The following NEK6 variants were observed in gnomAD, a reference collection of about 807,000 sequenced individuals.
NEK6 encodes NIMA related kinase 6.
In NEK6, 27 loss-of-function variants were observed where a neutral mutation model predicts 43.5. The observed-to-expected ratio is 0.62, with a 90% CI of 0.46 to 0.86. The LOEUF (loss-of-function observed/expected upper bound fraction) is 0.86, where lower values mean the gene tolerates loss of function less well. NEK6 is among the 40% of genes least tolerant of loss of function. The pLI is 0.00. For synonymous variants in NEK6, 167 were observed against 164.1 expected (o/e 1.02, Z -0.14); for missense variants, 318 against 414.4 (o/e 0.77, Z 2.02).
At chr9:124,300,884 C>T (rs907129043) in intron 1 of NEK6, among the ~76,000 whole-genome samples, 1 of 152,244 alleles carries the variant, frequency 6.6e-6, no homozygotes, top group Non-Finnish European at 1.5e-5. Flanking sequence ...TCAAGGGGTT[C>T]TGCCTAGGAT....
intron 1 of NEK6, among the ~76,000 whole-genome samples, chr9:124,294,097 G>A (rs866793112): frequency 3.9e-5 from 6 of 152,344 alleles, no homozygotes; most frequent in Middle Eastern, 3.4e-3. Context: ...TGGGCATGGT[G>A]GCTCACACCT....
intron 2 of NEK6, among the ~76,000 whole-genome samples, chr9:124,311,084 A>C (rs927383235): frequency 6.6e-6 from 1 of 152,208 alleles, no homozygotes; most frequent in East Asian, 1.9e-4. Context: ...CTCCGCAGGC[A>C]TCTCAGGCTG....
chr9:124,321,585 G>T lies in NEK6; in HGVS notation c.405+16G>T, dbSNP rs1292196500. The T allele has an allele frequency of 6.5e-7, 1 of 1,531,350 alleles. No homozygotes were observed. The highest frequency in any genetic ancestry group is 2.2e-5 in the East Asian group (1 of 44,518). 94.9% of individuals were successfully genotyped at this position (1,531,350 alleles called of 1,614,324 possible). ...GATGATCAAGGTGAGCGCCTGGCGG[G>T]GTGGGGGTGCTGGGGGCTGCGCAGA... On this transcript the variant is annotated intron_variant, in intron 5 of 9. Coordinates refer to ENST00000320246, the MANE Select transcript of NEK6 (RefSeq NM_014397.6).
intron 9 of NEK6, among the ~76,000 whole-genome samples, chr9:124,349,121 A>G (rs1232246074): frequency 6.6e-6 from 1 of 152,256 alleles, no homozygotes; most frequent in Non-Finnish European, 1.5e-5. Flanking sequence ...CTGGCGTTGC[A>G]GACTCCAGGG....
chr9:124,349,574 G>A (rs1028925965), intron 9 of NEK6, among the ~76,000 whole-genome samples: 2 of 152,244 alleles, frequency 1.3e-5, no homozygotes, highest in East Asian at 1.9e-4. Flanking sequence ...AAGTTATATC[G>A]CTGCTTAGAA....
At chr9:124,307,560 G>A (rs1564635810) in intron 2 of NEK6, among the ~76,000 whole-genome samples, 1 of 152,200 alleles carries the variant, frequency 6.6e-6, no homozygotes, top group Admixed American at 6.5e-5. Flanking sequence ...AGCACAGCGA[G>A]TGGTGACACC....
intron 7 of NEK6, 111 bp from the exon 8 acceptor site, chr9:124,339,460 C>A: frequency 1.3e-6 from 1 of 761,190 alleles, no homozygotes; most frequent in South Asian, 1.5e-5. Context: ...GCTCAGAGAC[C>A]GAGGCACAAT....
At chr9:124,350,434 A>G (rs905032141) in intron 9 of NEK6, among the ~76,000 whole-genome samples, 17 of 152,076 alleles carry the variant, frequency 1.1e-4, no homozygotes, top group Non-Finnish European at 1.3e-4. Context: ...TAATGCGTTT[A>G]TTATGATCAA....
At position 124,326,229 on chromosome 9, in the gene NEK6, C is replaced by A; in HGVS notation, c.406-101C>A. 3.9e-6 allele frequency: 1 copy of A among 258,888 alleles called. No homozygotes were observed. The highest frequency in any genetic ancestry group is 9.3e-6 in the Non-Finnish European group (1 of 107,074). 16.0% of individuals were successfully genotyped at this position (258,888 alleles called of 1,614,324 possible). A position where few individuals can be genotyped will look rare whatever the true frequency, so the allele number is the denominator to read the frequency against. ...CCCCCCCCCCGCCCCTGCCAGGCAC[C>A]AGTTACCCACTGGGGAAAGGACAGA... On this transcript the variant is annotated intron_variant, in intron 5 of 9. Transcript: ENST00000320246. This position sits in a 1 kb window ranked among gnomAD's most constrained non-coding sequence, Gnocchi z 4.5.
intron 8 of NEK6, among the ~76,000 whole-genome samples, chr9:124,345,225 C>T (rs1303337431): frequency 2.0e-5 from 3 of 152,232 alleles, no homozygotes; most frequent in Admixed American, 1.3e-4. Context: ...CTCTCTATTT[C>T]GACCAGTCAG....
chr9:124,352,079 C>T lies in NEK6; in HGVS notation c.*1132C>T, dbSNP rs902191847. The T allele has an allele frequency of 2.0e-5, 3 of 152,620 alleles. No individual in the cohort carries two copies. Among genetic ancestry groups the T allele is most frequent in the Admixed American group, 2.0e-4 (3 of 15,284 alleles). 9.5% of individuals were successfully genotyped at this position (152,620 alleles called of 1,614,324 possible). A position where few individuals can be genotyped will look rare whatever the true frequency, so the allele number is the denominator to read the frequency against. On this transcript the variant is annotated 3_prime_UTR_variant, in exon 10 of 10. Coordinates refer to ENST00000320246, the MANE Select transcript of NEK6 (RefSeq NM_014397.6). ...TGAAGACTAATTTATAAATGTGAAC[C>T]TAAGAAAACTCCACCTCTGAAGGAA...
Position 124,339,561 on chromosome 9 carries a change from T to TCC in NEK6, c.623-10_623-9insCC, listed in dbSNP as rs769216243. 5.0e-6 allele frequency: 8 copies of TCC among 1,604,786 alleles called. No homozygotes were observed. Among genetic ancestry groups the TCC allele is most frequent in the Non-Finnish European group, 6.8e-6 (8 of 1,171,566 alleles). On this transcript the variant is annotated splice_polypyrimidine_tract_variant and intron_variant, in intron 7 of 9. Transcript: ENST00000320246. ...GAGCATAAGCAGCCCCGCCCCTTGC[T>TCC]GTGTTGCAGTGGGGACGCCCTACTA...
At chr9:124,328,524 G>A (rs1048381991) in intron 7 of NEK6, among the ~76,000 whole-genome samples, 10 of 152,118 alleles carry the variant, frequency 6.6e-5, no homozygotes, top group Non-Finnish European at 1.2e-4. Context: ...GGAGCTGCCC[G>A]CCGCCTCCTT....
At chr9:124,323,652 T>A (rs1834184408) in intron 5 of NEK6, among the ~76,000 whole-genome samples, 1 of 151,980 alleles carries the variant, frequency 6.6e-6, no homozygotes, top group Admixed American at 6.6e-5. Context: ...GACAGGCAGA[T>A]GGGGGGCTGG....
intron 2 of NEK6, among the ~76,000 whole-genome samples, chr9:124,304,955 A>T (rs1833179200): frequency 6.6e-6 from 1 of 152,234 alleles, no homozygotes; most frequent in South Asian, 2.1e-4. Flanking sequence ...GAGAGCTTTC[A>T]TTGGGAATGA....
chr9:124,332,776 A>G (rs761462589), intron 7 of NEK6, among the ~76,000 whole-genome samples: 19 of 151,976 alleles, frequency 1.3e-4, no homozygotes, highest in Non-Finnish European at 2.2e-4. Flanking sequence ...CCCTTTAATC[A>G]GCCTCCCTCT....
chr9:124,327,475 CCCCCAGCGGT>C (rs746003547), intron 7 of NEK6, 30 bp downstream of exon 7: 159 of 1,548,442 alleles, frequency 1.0e-4, no homozygotes, highest in Non-Finnish European at 1.4e-4. Flanking sequence ...GCCCCAGCAG[CCCCCAGCGGT>C]CCTGGTGACC....
At chr9:124,338,249 G>A (rs1829390537) in intron 7 of NEK6, among the ~76,000 whole-genome samples, 1 of 152,208 alleles carries the variant, frequency 6.6e-6, no homozygotes, top group Non-Finnish European at 1.5e-5. Context: ...CCAAAGTGGT[G>A]GGTTTACAGG....
At position 124,293,619 on chromosome 9, in the gene NEK6, C is replaced by G. The variant is rs75497323; in HGVS notation, c.-29-8317C>G. On this transcript the variant is annotated intron_variant, in intron 1 of 9. Transcript: ENST00000320246. ...CCAGTTGGTTTTGAATCTCCAGTGA[C>G]TTTTGTCTGATCTGTGACCACAGGG... 5.3e-3 allele frequency among the ~76,000 whole-genome samples: 806 copies of G among 152,298 alleles called. 6 individuals are homozygous for G. The highest frequency in any genetic ancestry group is 0.019 in the African/African-American group (776 of 41,564).
Sources: allele counts gnomAD v4.1 joint callset (sites outside exome capture counted in the v4.1 genomes callset), GRCh38; gene constraint gnomAD v4.1.1; non-coding constraint Gnocchi (gnomAD v3.1); transcripts MANE v1.5; gene names NCBI Gene and HGNC (gene_info 2026-07-23, HGNC 2026-07-21).